Variants in OR4K2 observed in about 807,000 individuals in gnomAD.
OR4K2 encodes the protein olfactory receptor 4K2.
In OR4K2, 8 loss-of-function variants were observed where a neutral mutation model predicts 10.5. The ratio of observed to expected loss-of-function variants is 0.76; its 90% CI spans 0.45 to 1.37. The LOEUF (loss-of-function observed/expected upper bound fraction) is 1.37, where lower values mean the gene tolerates loss of function less well. Among genes scored for constraint, OR4K2 ranks in the 40% most tolerant of loss-of-function variants. The pLI, the probability that OR4K2 is intolerant of heterozygous loss-of-function variation, is 0.00. For missense variants in OR4K2, 547 were observed against 379.5 expected, an observed-to-expected ratio of 1.44 and a Z score of -3.67; for synonymous variants, 178 against 133.6, an observed-to-expected ratio of 1.33 and a Z score of -2.29.
In OR4K2 at chr14:19,877,126, TATAC is replaced by T. The variant is rs760139248; in HGVS notation, c.860_863del (p.Tyr287PhefsTer2). The T allele has an allele frequency of 1.2e-6, 2 of 1,605,972 alleles. No homozygotes were observed. Among genetic ancestry groups the T allele is most frequent in the African/African-American group, 2.7e-5 (2 of 75,054 alleles). On this transcript the variant is annotated frameshift_variant, in exon 2 of 2. Coordinates refer to ENST00000641885, the MANE Select transcript of OR4K2 (RefSeq NM_001005501.2). LOFTEE classifies it high-confidence loss of function. ...TACTCCCACTCTGAACCCAATAATCTATACTTTGAGGAATCAAGAAGTAAAGATA... is the reference window on the plus strand; with the variant it reads ...TACTCCCACTCTGAACCCAATAATCTTTTGAGGAATCAAGAAGTAAAGATA...
chr14:19,882,586 T>A lies in OR4K2; in HGVS notation c.*5374T>A, dbSNP rs1881063723. 6.6e-6 allele frequency: 1 copy of A among 152,276 alleles called. No individual in the cohort carries two copies. The highest frequency in any genetic ancestry group is 2.1e-4 in the South Asian group (1 of 4,836). 9.4% of individuals were successfully genotyped at this position (152,276 alleles called of 1,614,324 possible). On this transcript the variant is annotated 3_prime_UTR_variant, in exon 2 of 2. Coordinates refer to ENST00000641885, the MANE Select transcript of OR4K2 (RefSeq NM_001005501.2). ...AAAATAGAACTTCGCCAGCCACCCC[T>A]GAAGTCCTCAAGTTTGTTCATCTCG...
At position 19,875,282 on chromosome 14, in the gene OR4K2, T is replaced by A. The variant is rs1312810574; in HGVS notation, c.-876T>A. On this transcript the variant is annotated 5_prime_UTR_variant, in exon 1 of 2. Coordinates refer to ENST00000641885, the MANE Select transcript of OR4K2 (RefSeq NM_001005501.2). ...ATAATCTAAAGCCCTGGTTCTTCTA[T>A]AGATCTGATAAGTAAAAGTGTTTTA... is the stretch of plus-strand genomic sequence containing the variant. The A allele has an allele frequency of 6.6e-6, 1 of 152,272 alleles. No homozygotes were observed. Among genetic ancestry groups the A allele is most frequent in the African/African-American group, 2.4e-5 (1 of 41,470 alleles). The allele number at this position is 152,272 out of a possible 1,614,324, so 9.4% of individuals were successfully genotyped here. A position where few individuals can be genotyped will look rare whatever the true frequency, so the allele number is the denominator to read the frequency against.
rs564631179 is a variant in OR4K2 at position 19,876,326 on chromosome 14, C to A, written c.59C>A (p.Ser20Tyr). 1 of 1,605,588 alleles carries A rather than the reference C, an allele frequency of 6.2e-7. No individual in the cohort carries two copies. The highest frequency in any genetic ancestry group is 1.7e-5 in the Admixed American group (1 of 59,454). The change falls in exon 2 of 2, where the codon TCC (serine) becomes TAC (tyrosine). Residue 20 changes from serine (S) to tyrosine (Y), a missense_variant. Coordinates refer to ENST00000641885, the MANE Select transcript of OR4K2 (RefSeq NM_001005501.2). Reference sequence around the variant, plus strand: ...TTTGTTTTGCTGGGGCTCTCTAATTCCTGGGAACTACAGATGTTTTTCTTT... The same window carrying A: ...TTTGTTTTGCTGGGGCTCTCTAATTACTGGGAACTACAGATGTTTTTCTTT... ...SEFVLLGLSNSWELQMFFFMV... is the reference protein window; with the variant it reads ...SEFVLLGLSNYWELQMFFFMV...
Position 19,881,675 on chromosome 14 carries a change from T to C in OR4K2, c.*4463T>C, listed in dbSNP as rs1384856727. The C allele has an allele frequency of 6.6e-6, 1 of 152,134 alleles. No homozygotes were observed. Among genetic ancestry groups the C allele is most frequent in the Admixed American group, 6.6e-5 (1 of 15,262 alleles). 9.4% of individuals were successfully genotyped at this position (152,134 alleles called of 1,614,324 possible). ...GGTTTTTTTCCCCCATTAGCCTTTTTATGACTACTAAATGCAAGACCACTG... is the reference window on the plus strand; with the variant it reads ...GGTTTTTTTCCCCCATTAGCCTTTTCATGACTACTAAATGCAAGACCACTG... On this transcript the variant is annotated 3_prime_UTR_variant, in exon 2 of 2. Coordinates refer to ENST00000641885, the MANE Select transcript of OR4K2 (RefSeq NM_001005501.2).
chr14:19,875,388 C>G lies in OR4K2; in HGVS notation c.-770C>G, dbSNP rs1880868448. The G allele has an allele frequency of 6.6e-6, 1 of 152,146 alleles. No homozygotes were observed. The highest frequency in any genetic ancestry group is 1.5e-5 in the Non-Finnish European group (1 of 67,998). 9.4% of individuals were successfully genotyped at this position (152,146 alleles called of 1,614,324 possible). A position where few individuals can be genotyped will look rare whatever the true frequency, so the allele number is the denominator to read the frequency against. On this transcript the variant is annotated 5_prime_UTR_variant, in exon 1 of 2. The change creates a premature stop within an existing upstream ORF in the 5' untranslated region. Coordinates refer to ENST00000641885, the MANE Select transcript of OR4K2 (RefSeq NM_001005501.2). The stretch of plus-strand genomic sequence containing the variant: ...AATCCCTATTCCATGAAGCTTAGGT[C>G]AATACAACAGTTTACATATGTTAAC...
Position 19,877,034 on chromosome 14 carries a change from TCATCTA to T in OR4K2, c.771_776del (p.Ile257_Tyr258del). 6.2e-7 allele frequency: 1 copy of T among 1,613,600 alleles called. No homozygotes were observed. ...TTCTTGTTCTTTGGGCCATGCATCT[TCATCTA>T]CATGTGGCCACTAAGCAGCTTTCTC... On this transcript the variant is annotated inframe_deletion, in exon 2 of 2. Transcript: ENST00000641885.
Position 19,879,009 on chromosome 14 carries a change from T to C in OR4K2, c.*1797T>C, listed in dbSNP as rs929230024. ...GTGGAATCTTTTGGAAGAGACGCTA[T>C]TGATTTTCTGTGCTTTTGTGGAGAA... On this transcript the variant is annotated 3_prime_UTR_variant, in exon 2 of 2. Coordinates refer to ENST00000641885, the MANE Select transcript of OR4K2 (RefSeq NM_001005501.2). The C allele has an allele frequency of 8.5e-5, 13 of 152,274 alleles. No individual in the cohort carries two copies. Among genetic ancestry groups the C allele is most frequent in the African/African-American group, 2.9e-4 (12 of 41,476 alleles). The allele number at this position is 152,274 out of a possible 1,614,324, so 9.4% of individuals were successfully genotyped here.
Position 19,882,414 on chromosome 14 carries a change from G to A in OR4K2, c.*5202G>A, listed in dbSNP as rs566171700. On this transcript the variant is annotated 3_prime_UTR_variant, in exon 2 of 2. Coordinates refer to ENST00000641885, the MANE Select transcript of OR4K2 (RefSeq NM_001005501.2). ...AGAGGGTGGATTGGAGGGAGACTCC[G>A]TCAATCAATCAATATCCATTACTTT... is the stretch of plus-strand genomic sequence containing the variant. 20 of 152,222 alleles carry A rather than the reference G, an allele frequency of 1.3e-4. No individual in the cohort carries two copies. Among genetic ancestry groups the A allele is most frequent in the African/African-American group, 4.6e-4 (19 of 41,446 alleles). The allele number at this position is 152,222 out of a possible 1,614,324, so 9.4% of individuals were successfully genotyped here.
rs775271451 is a variant in OR4K2, at chr14:19,876,661, T to C, written c.394T>C (p.Tyr132His). ...TATTGCAATATGCAAGCCCCTGCAC[T>C]ATGCTTCTGTCATTAGTCCCCAGGT... is the stretch of plus-strand genomic sequence containing the variant. ...RYIAICKPLH[Y>H]ASVISPQVCV... The change falls in exon 2 of 2, where the codon TAT becomes CAT. Residue 132 changes from tyrosine to histidine, a missense_variant. Transcript: ENST00000641885. 1 of 1,614,188 alleles carries C rather than the reference T, an allele frequency of 6.2e-7. No homozygotes were observed. The highest frequency in any genetic ancestry group is 2.2e-5 in the East Asian group (1 of 44,888).
Position 19,882,218 on chromosome 14 carries a change from T to G in OR4K2, c.*5006T>G, listed in dbSNP as rs747598413. On this transcript the variant is annotated 3_prime_UTR_variant, in exon 2 of 2. Transcript: ENST00000641885. ...AGTTGCTTTCCCTCACATCTCATCATCATCTTGCTCACCAGCGGCAATTAT... is the reference window on the plus strand; with the variant it reads ...AGTTGCTTTCCCTCACATCTCATCAGCATCTTGCTCACCAGCGGCAATTAT... 3.9e-5 allele frequency: 6 copies of G among 152,472 alleles called. No individual in the cohort carries two copies. The highest frequency in any genetic ancestry group is 8.8e-5 in the Non-Finnish European group (6 of 68,178). 9.4% of individuals were successfully genotyped at this position (152,472 alleles called of 1,614,324 possible).
At position 19,879,862 on chromosome 14, in the gene OR4K2, G is replaced by T. The variant is rs996722538; in HGVS notation, c.*2650G>T. The T allele has an allele frequency of 2.6e-5, 4 of 152,262 alleles. No individual in the cohort carries two copies. The highest frequency in any genetic ancestry group is 9.7e-5 in the African/African-American group (4 of 41,450). The allele number at this position is 152,262 out of a possible 1,614,324, so 9.4% of individuals were successfully genotyped here. A position where few individuals can be genotyped will look rare whatever the true frequency, so the allele number is the denominator to read the frequency against. The stretch of plus-strand genomic sequence containing the variant: ...CTCCTTTGCATGGATTTCCTCGAAG[G>T]CCCTAGAATGGAAACTAACAACCTT... On this transcript the variant is annotated 3_prime_UTR_variant, in exon 2 of 2. Transcript: ENST00000641885.
chr14:19,879,833 A>C lies in OR4K2; in HGVS notation c.*2621A>C, dbSNP rs1197895037. On this transcript the variant is annotated 3_prime_UTR_variant, in exon 2 of 2. Coordinates refer to ENST00000641885, the MANE Select transcript of OR4K2 (RefSeq NM_001005501.2). Reference sequence around the variant, plus strand: ...AAGCTTGTAAAGCTTAGGTTTTATAACTCCTCCTTTGCATGGATTTCCTCG... The same window carrying C: ...AAGCTTGTAAAGCTTAGGTTTTATACCTCCTCCTTTGCATGGATTTCCTCG... The C allele has an allele frequency of 1.3e-5, 2 of 152,216 alleles. No individual in the cohort carries two copies. The highest frequency in any genetic ancestry group is 2.9e-5 in the Non-Finnish European group (2 of 68,034). 9.4% of individuals were successfully genotyped at this position (152,216 alleles called of 1,614,324 possible). A position where few individuals can be genotyped will look rare whatever the true frequency, so the allele number is the denominator to read the frequency against.
chr14:19,875,956 ATAGG>A lies in OR4K2; in HGVS notation c.-195_-192del. 3.2e-6 allele frequency: 1 copy of A among 316,578 alleles called. No homozygotes were observed. The highest frequency in any genetic ancestry group is 4.7e-5 in the Admixed American group (1 of 21,396). The allele number at this position is 316,578 out of a possible 1,614,324, so 19.6% of individuals were successfully genotyped here. The stretch of plus-strand genomic sequence containing the variant: ...CTTACACAGATGAATAGATGGACAA[ATAGG>A]TAGGTATGTCTGTTCAGAATGATAT... On this transcript the variant is annotated 5_prime_UTR_variant, in exon 1 of 2. It adds an upstream start codon to the 5' untranslated region. Transcript: ENST00000641885.
In OR4K2 at chr14:19,877,435, G is replaced by C; in HGVS notation, c.*223G>C. 1 of 430,006 alleles carries C rather than the reference G, an allele frequency of 2.3e-6. No individual in the cohort carries two copies. The highest frequency in any genetic ancestry group is 3.0e-5 in the South Asian group (1 of 33,668). 26.6% of individuals were successfully genotyped at this position (430,006 alleles called of 1,614,324 possible). ...ATGTCAGGAGTGACAGTTCCAGTTA[G>C]GACATTCAATATCAATAATCAATTT... is the stretch of plus-strand genomic sequence containing the variant. On this transcript the variant is annotated 3_prime_UTR_variant, in exon 2 of 2. Coordinates refer to ENST00000641885, the MANE Select transcript of OR4K2 (RefSeq NM_001005501.2).
rs1880974936 is a variant in OR4K2, at chr14:19,878,943, G to A, written c.*1731G>A. On this transcript the variant is annotated 3_prime_UTR_variant, in exon 2 of 2. Transcript: ENST00000641885. The stretch of plus-strand genomic sequence containing the variant: ...TACTTGACATATTTCTTTGTCCAGG[G>A]AATATTTTCAAAACTGTGCTGCTTT... The A allele has an allele frequency of 6.6e-6, 1 of 152,226 alleles. No homozygotes were observed. The highest frequency in any genetic ancestry group is 1.5e-5 in the Non-Finnish European group (1 of 68,030). 9.4% of individuals were successfully genotyped at this position (152,226 alleles called of 1,614,324 possible). A position where few individuals can be genotyped will look rare whatever the true frequency, so the allele number is the denominator to read the frequency against.
Position 19,878,203 on chromosome 14 carries a change from T to G in OR4K2, c.*991T>G, listed in dbSNP as rs1880958160. On this transcript the variant is annotated 3_prime_UTR_variant, in exon 2 of 2. Transcript: ENST00000641885. ...AATCTGGTAGGTTCAATATTAGCTT[T>G]AATGTATACAAAGTATTACTACCAC... 6.6e-6 allele frequency: 1 copy of G among 152,238 alleles called. No individual in the cohort carries two copies. The highest frequency in any genetic ancestry group is 6.5e-5 in the Admixed American group (1 of 15,280). 9.4% of individuals were successfully genotyped at this position (152,238 alleles called of 1,614,324 possible). A position where few individuals can be genotyped will look rare whatever the true frequency, so the allele number is the denominator to read the frequency against.
At position 19,876,924 on chromosome 14, in the gene OR4K2, T is replaced by C; in HGVS notation, c.657T>C (p.Val219=). 6.2e-7 allele frequency: 1 copy of C among 1,614,184 alleles called. No homozygotes were observed. Among genetic ancestry groups the C allele is most frequent in the Non-Finnish European group, 8.5e-7 (1 of 1,180,000 alleles). ...TTATTGTTTTATTTAATTCATATGT[T>C]ATTGTCCTGGTTACTGTGAAGCATC... ...SCFIVLFNSY[V]IVLVTVKHHS... The change falls in exon 2 of 2, where the codon GTT becomes GTC. Residue 219 remains valine, a synonymous_variant. Coordinates refer to ENST00000641885, the MANE Select transcript of OR4K2 (RefSeq NM_001005501.2).
chr14:19,877,830 C>T lies in OR4K2; in HGVS notation c.*618C>T, dbSNP rs1268745663. On this transcript the variant is annotated 3_prime_UTR_variant, in exon 2 of 2. Transcript: ENST00000641885. ...CTTTTAGTTCATCATCAAAGCAATACAGTCATGATATTTCTTTCTGATAAT... is the reference window on the plus strand; with the variant it reads ...CTTTTAGTTCATCATCAAAGCAATATAGTCATGATATTTCTTTCTGATAAT... 1.3e-5 allele frequency: 2 copies of T among 152,518 alleles called. No homozygotes were observed. The highest frequency in any genetic ancestry group is 6.5e-5 in the Admixed American group (1 of 15,292). 9.4% of individuals were successfully genotyped at this position (152,518 alleles called of 1,614,324 possible).
rs1880886109 is a variant in OR4K2 at position 19,876,083 on chromosome 14, A to T, written c.-75A>T. 4 of 575,304 alleles carry T rather than the reference A, an allele frequency of 7.0e-6. No individual in the cohort carries two copies. Among genetic ancestry groups the T allele is most frequent in the South Asian group, 5.0e-5 (2 of 40,294 alleles). The allele number at this position is 575,304 out of a possible 1,614,324, so 35.6% of individuals were successfully genotyped here. A position where few individuals can be genotyped will look rare whatever the true frequency, so the allele number is the denominator to read the frequency against. ...TTGCTATAAGCTCTAATATTTCATA[A>T]TTTCCATTCAAAACAATATACCAAA... On this transcript the variant is annotated 5_prime_UTR_variant, in exon 1 of 2. Transcript: ENST00000641885.
Sources: allele counts gnomAD v4.1 joint callset, GRCh38; gene constraint gnomAD v4.1.1; transcripts MANE v1.5; gene names NCBI Gene and HGNC (gene_info 2026-07-23, HGNC 2026-07-21).